UNC79: variants seen among roughly 807,000 people sequenced by gnomAD.
UNC79 encodes protein unc-79 homolog.
Under a neutral mutation model 283.1 loss-of-function variants are expected in UNC79, and 37 were observed. The observed-to-expected ratio is 0.13, with a 90% CI of 0.10 to 0.17. The LOEUF is 0.17. Ranked by LOEUF, UNC79 falls within the 10% of genes least tolerant of loss-of-function variation. UNC79 has a pLI of 1.00. For missense variants in UNC79, 2,272 were observed against 3,211.1 expected (o/e 0.71, Z 7.07); for synonymous variants, 1,107 against 1,200.2 (o/e 0.92, Z 1.61).
intron 26 of UNC79, among the ~76,000 whole-genome samples, chr14:93,604,506 G>C (rs1452600789): frequency 6.6e-6 from 1 of 152,148 alleles, no homozygotes; most frequent in Non-Finnish European, 1.5e-5. Context: ...GATCATTTAA[G>C]AATAGCCAGT....
At chr14:93,642,403 T>G (rs2069127822) in intron 33 of UNC79, among the ~76,000 whole-genome samples, 1 of 127,022 alleles carries the variant, frequency 7.9e-6, no homozygotes, top group Non-Finnish European at 1.6e-5. Context: ...CCAGCCTGGG[T>G]GACAGAGCAA....
intron 14 of UNC79, among the ~76,000 whole-genome samples, chr14:93,559,541 G>A (rs576727848): frequency 1.5e-3 from 221 of 152,240 alleles, no homozygotes; most frequent in Non-Finnish European, 2.7e-3. Flanking sequence ...TGGGTAGGTA[G>A]TGGAAAATTA....
At chr14:93,580,713 AT>A (rs373554132) in intron 19 of UNC79, among the ~76,000 whole-genome samples, 7 of 149,930 alleles carry the variant, frequency 4.7e-5, no homozygotes, top group Admixed American at 2.7e-4. Context: ...TGTAAAATGT[AT>A]TTTTTTTTTG....
At chr14:93,348,227 G>A in intron 1 of UNC79, 1 of 689,788 alleles carries the variant, frequency 1.4e-6, no homozygotes, top group Non-Finnish European at 2.7e-6. Flanking sequence ...AACCATTGTG[G>A]TATTCACTTT....
At chr14:93,433,757 G>A (rs80286013) in intron 1 of UNC79, among the ~76,000 whole-genome samples, 9,495 of 152,246 alleles carry the variant, frequency 0.062, 402 homozygotes, top group Middle Eastern at 0.12. Flanking sequence ...GGTTTGACAA[G>A]TAGACATAGT....
At position 93,347,672 on chromosome 14, in the gene UNC79, C is replaced by T. The variant is rs186545822; in HGVS notation, c.-351+14149C>T. On this transcript the variant is annotated intron_variant, in intron 1 of 49. Coordinates refer to the UNC79 transcript ENST00000256339. Reference sequence around the variant, plus strand: ...GGGCCTCCTTCGTTGTTACCCTTTACCGGCACCTGGCTCGGGGGCGGGGCT... The same window carrying T: ...GGGCCTCCTTCGTTGTTACCCTTTATCGGCACCTGGCTCGGGGGCGGGGCT... Among the ~76,000 whole-genome samples, 14 of 152,126 alleles carry T rather than the reference C, an allele frequency of 9.2e-5. 1 individual carries two copies. The East Asian group carries it at 1.6e-3, about 17-fold the overall frequency.
At chr14:93,573,025 G>T (rs1001221271) in intron 16 of UNC79, among the ~76,000 whole-genome samples, 1 of 152,146 alleles carries the variant, frequency 6.6e-6, no homozygotes, top group African/African-American at 2.4e-5. Flanking sequence ...TATATAAATT[G>T]TGCAATAATA....
At chr14:93,411,298 AT>A (rs1394773891) in intron 1 of UNC79, among the ~76,000 whole-genome samples, 1 of 152,110 alleles carries the variant, frequency 6.6e-6, no homozygotes, top group East Asian at 1.9e-4. Context: ...CACCAGCTAG[AT>A]TTCTAAGGTT....
intron 14 of UNC79, among the ~76,000 whole-genome samples, chr14:93,565,153 C>T (rs1396570008): frequency 1.3e-5 from 2 of 152,222 alleles, no homozygotes; most frequent in African/African-American, 4.8e-5. Context: ...GCGCAAGTCC[C>T]TCCCCCGGTT....
chr14:93,673,188 CT>C (rs928093492), intron 40 of UNC79, among the ~76,000 whole-genome samples, 162 bp from the exon 44 acceptor site: 54 of 151,834 alleles, frequency 3.6e-4, no homozygotes, highest in African/African-American at 4.6e-4. Flanking sequence ...ACAAAAATGC[CT>C]TTTTTTTGTT....
chr14:93,682,527 A>G, intron 41 of UNC79, 90 bp from the exon 45 acceptor site: 1 of 1,123,852 alleles, frequency 8.9e-7, no homozygotes, highest in Non-Finnish European at 1.3e-6. Context: ...AATAAACACT[A>G]ATTAATTTAA....
At chr14:93,642,239 A>G (rs1203148303) in intron 33 of UNC79, among the ~76,000 whole-genome samples, 1 of 152,016 alleles carries the variant, frequency 6.6e-6, no homozygotes, top group African/African-American at 2.4e-5. Context: ...CCTGGCTAAC[A>G]TGGTGAAACC....
In UNC79 at chr14:93,572,836, G is replaced by A. The variant is rs75778839; in HGVS notation, c.2070+20G>A. The A allele has an allele frequency of 1.0e-3, 1,689 of 1,610,974 alleles. 33 individuals are homozygous for A. In the East Asian group the frequency reaches 0.033, roughly 32 times the overall value. ...CTTCATGTAAGTGAATAATACTTTCGATCATTTTAGGAAATAGTTCTTAGC... is the reference window on the plus strand; with the variant it reads ...CTTCATGTAAGTGAATAATACTTTCAATCATTTTAGGAAATAGTTCTTAGC... On this transcript the variant is annotated intron_variant, in intron 16 of 48. Transcript: ENST00000555664.
At chr14:93,565,186 GT>G (rs1482410958) in intron 14 of UNC79, among the ~76,000 whole-genome samples, 2 of 152,190 alleles carry the variant, frequency 1.3e-5, no homozygotes, top group Non-Finnish European at 2.9e-5. Flanking sequence ...GCACTGTGGG[GT>G]TACAATCTTC....
At chr14:93,509,808 T>TACCATTCTG (rs1481156332) in intron 7 of UNC79, among the ~76,000 whole-genome samples, 1 of 152,156 alleles carries the variant, frequency 6.6e-6, no homozygotes, top group Non-Finnish European at 1.5e-5. Context: ...TCGTTGGATC[T>TACCATTCTG]ACCATTCTGG....
At chr14:93,355,662 CT>C (rs2054072128) in intron 1 of UNC79, among the ~76,000 whole-genome samples, 1 of 152,192 alleles carries the variant, frequency 6.6e-6, no homozygotes, top group South Asian at 2.1e-4. Flanking sequence ...ACATTTTTAA[CT>C]TCTCTTACAT....
chr14:93,476,848 T>C (rs916310701), intron 3 of UNC79, among the ~76,000 whole-genome samples: 3 of 152,218 alleles, frequency 2.0e-5, no homozygotes, highest in Non-Finnish European at 4.4e-5. Flanking sequence ...TAATAGTAAC[T>C]GTTAATATTA....
chr14:93,358,472 G>C (rs540496555), intron 1 of UNC79, among the ~76,000 whole-genome samples: 2 of 152,250 alleles, frequency 1.3e-5, no homozygotes, highest in African/African-American at 2.4e-5. Context: ...TGAAATTGTA[G>C]AAAAACAGAC....
intron 11 of UNC79, among the ~76,000 whole-genome samples, chr14:93,536,957 C>T (rs2061117909): frequency 6.6e-6 from 1 of 152,046 alleles, no homozygotes; most frequent in Non-Finnish European, 1.5e-5. Flanking sequence ...CTTTTTCTTA[C>T]CTTGAGAATC....
Sources: gnomAD v4.1 joint callset for allele counts (sites outside exome capture counted in the v4.1 genomes callset) on GRCh38, gnomAD v4.1.1 for gene constraint, MANE v1.5 for transcripts, NCBI Gene and HGNC (gene_info 2026-07-23, HGNC 2026-07-21) for gene names.